Variants in CACNA1D observed in about 807,000 individuals in gnomAD.
The protein encoded by CACNA1D is voltage-dependent L-type calcium channel subunit alpha-1D.
Under a neutral mutation model 257.1 loss-of-function variants are expected in CACNA1D, and 55 were observed. That is an observed-to-expected ratio of 0.21 (90% CI 0.17 to 0.27). The LOEUF (loss-of-function observed/expected upper bound fraction) is 0.27, where lower values mean the gene tolerates loss of function less well. CACNA1D is among the 10% of genes least tolerant of loss of function. CACNA1D has a pLI of 1.00. For synonymous variants in CACNA1D, 980 were observed against 1,014.9 expected (o/e 0.97, Z 0.65); for missense variants, 1,876 against 2,784.0 (o/e 0.67, Z 7.34).
At chr3:53,760,152 G>A (rs977579460) in intron 29 of CACNA1D, among the ~76,000 whole-genome samples, 4 of 152,082 alleles carry the variant, frequency 2.6e-5, no homozygotes, top group African/African-American at 9.7e-5. Flanking sequence ...CGGTTGGGTG[G>A]GGGAATCTTA....
chr3:53,552,650 G>T (rs1042664218), intron 3 of CACNA1D, among the ~76,000 whole-genome samples: 12 of 152,104 alleles, frequency 7.9e-5, no homozygotes, highest in African/African-American at 2.9e-4. Context: ...CAAAGTGCTG[G>T]GGTTACAGGA....
chr3:53,667,659 G>T (rs1420620814), intron 7 of CACNA1D, among the ~76,000 whole-genome samples: 1 of 152,140 alleles, frequency 6.6e-6, no homozygotes, highest in African/African-American at 2.4e-5. Flanking sequence ...GCAGCTCACA[G>T]GATTGTAGAT....
At chr3:53,737,234 G>T (rs572686776) in intron 20 of CACNA1D, among the ~76,000 whole-genome samples, 2 of 152,244 alleles carry the variant, frequency 1.3e-5, no homozygotes, top group East Asian at 3.9e-4. Context: ...TCGCACCACT[G>T]CACTCCAGCC....
intron 8 of CACNA1D, among the ~76,000 whole-genome samples, chr3:53,694,489 C>T (rs552964862): frequency 2.0e-5 from 3 of 152,236 alleles, no homozygotes; most frequent in African/African-American, 4.8e-5. Context: ...ACGGAAGGGA[C>T]GTAGGATTTG....
intron 3 of CACNA1D, among the ~76,000 whole-genome samples, chr3:53,577,534 CTG>C (rs1280370398): frequency 3.3e-5 from 5 of 152,178 alleles, no homozygotes; most frequent in African/African-American, 9.7e-5. Flanking sequence ...GGGGCACAGT[CTG>C]TTCTTTCCTG....
chr3:53,534,833 A>G (rs1297078353), intron 3 of CACNA1D, among the ~76,000 whole-genome samples: 1 of 152,188 alleles, frequency 6.6e-6, no homozygotes, highest in African/African-American at 2.4e-5. Context: ...CTTGGCTGTC[A>G]GCGCCGGGCC....
chr3:53,754,341 A>G (rs1487158534), intron 29 of CACNA1D, among the ~76,000 whole-genome samples: 1 of 152,222 alleles, frequency 6.6e-6, no homozygotes, highest in Non-Finnish European at 1.5e-5. Context: ...GATGAGGGGC[A>G]GTGTAGTTCA....
At chr3:53,637,567 A>T (rs1310457180) in intron 3 of CACNA1D, among the ~76,000 whole-genome samples, 2 of 152,114 alleles carry the variant, frequency 1.3e-5, no homozygotes, top group Non-Finnish European at 2.9e-5. Context: ...TCTTGGAGCC[A>T]CCAGGTTCCC....
At chr3:53,805,887 G>A (rs1183673916) in intron 45 of CACNA1D, among the ~76,000 whole-genome samples, 9 of 39,212 alleles carry the variant, frequency 2.3e-4, no homozygotes, top group African/African-American at 8.8e-4. Flanking sequence ...TCCTCCTCCC[G>A]CATCTTCTCC....
chr3:53,542,959 G>T (rs2092331182), intron 3 of CACNA1D, among the ~76,000 whole-genome samples: 2 of 151,854 alleles, frequency 1.3e-5, no homozygotes. Context: ...GGCTGAGGCA[G>T]GAGAATCGCT....
At chr3:53,671,380 A>G (rs2094321586) in intron 7 of CACNA1D, among the ~76,000 whole-genome samples, 1 of 152,208 alleles carries the variant, frequency 6.6e-6, no homozygotes, top group Non-Finnish European at 1.5e-5. Context: ...CTGTTCCAAC[A>G]CAGAGGGAAA....
Position 53,774,855 on chromosome 3 carries a change from G to A in CACNA1D, c.4202+177G>A, listed in dbSNP as rs549413077. On this transcript the variant is annotated intron_variant, in intron 34 of 47. Coordinates refer to ENST00000350061, the MANE Select transcript of CACNA1D (RefSeq NM_001128840.3). The surrounding 1 kb of genome is among the most constrained non-coding windows in gnomAD (Gnocchi z 4.3). ...ACAGACCCTAGCATTTCAAACACAG[G>A]AATTTTGCTGGATTGTTAAAACTGC... Among the ~76,000 whole-genome samples the A allele has an allele frequency of 7.4e-4, 112 of 152,322 alleles. No homozygotes were observed. Among genetic ancestry groups the A allele is most frequent in the South Asian group, 5.4e-3 (26 of 4,828 alleles).
intron 3 of CACNA1D, among the ~76,000 whole-genome samples, chr3:53,552,729 C>CA (rs768417011): frequency 1.3e-5 from 2 of 152,264 alleles, no homozygotes; most frequent in East Asian, 1.9e-4. Context: ...TTTCCTATCT[C>CA]ATATTTATTT....
At chr3:53,600,196 A>G (rs943636922) in intron 3 of CACNA1D, among the ~76,000 whole-genome samples, 2 of 152,252 alleles carry the variant, frequency 1.3e-5, no homozygotes, top group Admixed American at 1.3e-4. Flanking sequence ...AGCATGTATC[A>G]TGAAGTTACT....
At chr3:53,636,461 G>A (rs370367128) in intron 3 of CACNA1D, among the ~76,000 whole-genome samples, 2 of 152,014 alleles carry the variant, frequency 1.3e-5, no homozygotes, top group South Asian at 2.1e-4. Flanking sequence ...GCGCCACCAC[G>A]CCCGGCTAAT....
chr3:53,728,848 C>A (rs914780508), intron 15 of CACNA1D, among the ~76,000 whole-genome samples: 1 of 152,204 alleles, frequency 6.6e-6, no homozygotes. Flanking sequence ...CTTGGTAGAT[C>A]TTTCTGGATG....
chr3:53,529,585 G>A (rs1258198274), intron 3 of CACNA1D, among the ~76,000 whole-genome samples: 1 of 152,204 alleles, frequency 6.6e-6, no homozygotes, highest in Non-Finnish European at 1.5e-5. Flanking sequence ...TTCTTTAAGT[G>A]TGTAGAGTGA....
chr3:53,781,701 C>T (rs1463694716), intron 39 of CACNA1D, 34 bp downstream of exon 39: 5 of 1,400,396 alleles, frequency 3.6e-6, no homozygotes, highest in African/African-American at 2.8e-5. Context: ...TAGTCCTTGG[C>T]CAGTGCTTTG....
intron 28 of CACNA1D, among the ~76,000 whole-genome samples, chr3:53,752,601 G>A (rs1027909613): frequency 2.8e-4 from 43 of 152,166 alleles, no homozygotes; most frequent in African/African-American, 1.0e-3. Flanking sequence ...GTTTCACCAC[G>A]TTGGCCAGGC....
Sources: allele counts gnomAD v4.1 joint callset (sites outside exome capture counted in the v4.1 genomes callset), GRCh38; gene constraint gnomAD v4.1.1; non-coding constraint Gnocchi (gnomAD v3.1); transcripts MANE v1.5; gene names NCBI Gene and HGNC (gene_info 2026-07-23, HGNC 2026-07-21).